The following ZFPM1 variants were observed in gnomAD, a reference collection of about 807,000 sequenced individuals.
The protein encoded by ZFPM1 is zinc finger protein, FOG family member 1, also known as zinc finger protein ZFPM1.
Under a neutral mutation model 46.3 loss-of-function variants are expected in ZFPM1, and 28 were observed. That is an observed-to-expected ratio of 0.60 (90% CI 0.45 to 0.83). ZFPM1 has a LOEUF of 0.83. Ranked by LOEUF, ZFPM1 falls within the 40% of genes least tolerant of loss-of-function variation. ZFPM1 has a pLI of 0.00. For synonymous variants in ZFPM1, 957 were observed against 675.9 expected (o/e 1.42, Z -6.45); for missense variants, 1,878 against 1,432.4 (o/e 1.31, Z -5.02).
chr16:88,474,235 T>G (rs1201539143), intron 1 of ZFPM1, among the ~76,000 whole-genome samples: 3 of 152,158 alleles, frequency 2.0e-5, no homozygotes, highest in African/African-American at 7.2e-5. Flanking sequence ...CCCGGGCCAC[T>G]GCCCCTGGGG....
At chr16:88,520,023 GGAT>G (rs1816584868) in intron 4 of ZFPM1, among the ~76,000 whole-genome samples, 1 of 150,472 alleles carries the variant, frequency 6.6e-6, no homozygotes, top group South Asian at 2.1e-4. Context: ...ATAAGTGGAT[GGAT>G]GGGAGGATAA....
At chr16:88,485,062 C>A (rs559019661) in intron 1 of ZFPM1, among the ~76,000 whole-genome samples, 1 of 152,310 alleles carries the variant, frequency 6.6e-6, no homozygotes, top group South Asian at 2.1e-4. Flanking sequence ...GAGGGTGTCA[C>A]CCCAGGGAGT....
rs996921925 is a variant in ZFPM1 at position 88,497,777 on chromosome 16, G to C, written c.268+8624G>C. 6.6e-6 allele frequency among the ~76,000 whole-genome samples: 1 copy of C among 152,142 alleles called. No individual in the cohort carries two copies. The highest frequency in any genetic ancestry group is 2.4e-5 in the African/African-American group (1 of 41,424). ...TCCCCCGCCCCAGGGTCCCGACAGG[G>C]CCCGCCCGAGGCTGGGAATCCTCAC... On this transcript the variant is annotated intron_variant, in intron 3 of 9. Transcript: ENST00000319555. The surrounding 1 kb of genome is among the most constrained non-coding windows in gnomAD (Gnocchi z 5.4).
chr16:88,482,266 C>G (rs1288733588), intron 1 of ZFPM1, among the ~76,000 whole-genome samples: 1 of 151,934 alleles, frequency 6.6e-6, no homozygotes, highest in Admixed American at 6.6e-5. Flanking sequence ...TCCCCACGGA[C>G]CCCAGGTGGG....
chr16:88,475,928 A>C (rs1021757718), intron 1 of ZFPM1, among the ~76,000 whole-genome samples: 3 of 152,184 alleles, frequency 2.0e-5, no homozygotes, highest in African/African-American at 7.2e-5. Context: ...GGCCCAGGGC[A>C]GTTAAGCCCA....
chr16:88,461,015 TGGGGCGGGAGGCCTGGTGAG>T lies in ZFPM1; in HGVS notation c.40+7339_40+7358del, dbSNP rs1907820598. Among the ~76,000 whole-genome samples, 9 of 8,198 alleles carry T rather than the reference TGGGGCGGGAGGCCTGGTGAG, an allele frequency of 1.1e-3. No individual in the cohort carries two copies. The East Asian group carries it at 0.022, about 20-fold the overall frequency. 5.4% of individuals were successfully genotyped at this position (8,198 alleles called of 152,430 possible). On this transcript the variant is annotated intron_variant, in intron 1 of 9. Coordinates refer to ENST00000319555, the MANE Select transcript of ZFPM1 (RefSeq NM_153813.3). The stretch of plus-strand genomic sequence containing the variant: ...GGGAGGCCTGGTGAGGACCGAGGGG[TGGGGCGGGAGGCCTGGTGAG>T]GACCGAGGGGCGGGAGGCCCTGGTG...
intron 1 of ZFPM1, among the ~76,000 whole-genome samples, chr16:88,483,116 G>C (rs1021513104): frequency 6.6e-6 from 1 of 152,132 alleles, no homozygotes; most frequent in Non-Finnish European, 1.5e-5. Context: ...GCTGGCTCCT[G>C]TGTGGTCTGA....
intron 4 of ZFPM1, among the ~76,000 whole-genome samples, chr16:88,518,350 T>C (rs1452005827): frequency 6.8e-6 from 1 of 148,000 alleles, no homozygotes; most frequent in African/African-American, 2.5e-5. Flanking sequence ...GGTGGGTGGA[T>C]AGATGGATGG....
At chr16:88,524,160 A>AT (rs1199841569) in intron 4 of ZFPM1, among the ~76,000 whole-genome samples, 10 of 152,218 alleles carry the variant, frequency 6.6e-5, no homozygotes, top group African/African-American at 1.2e-4. Flanking sequence ...AAGCAGATTA[A>AT]TTTTTTTCAC....
rs2142457552 is a variant in ZFPM1 at position 88,535,968 on chromosome 16, T to C, written c.*989T>C. The C allele has an allele frequency of 6.6e-6, 1 of 152,308 alleles. No homozygotes were observed. Among genetic ancestry groups the C allele is most frequent in the East Asian group, 1.9e-4 (1 of 5,188 alleles). 9.4% of individuals were successfully genotyped at this position (152,308 alleles called of 1,614,324 possible). ...CTCTTCTATTCCCAACGTCACTTTA[T>C]TTTTTTATTTTTGGGTCTCACTCTC... On this transcript the variant is annotated 3_prime_UTR_variant, in exon 10 of 10. Transcript: ENST00000319555.
chr16:88,527,844 G>A (rs1912465870), intron 5 of ZFPM1, among the ~76,000 whole-genome samples, 188 bp from the exon 6 acceptor site: 1 of 151,126 alleles, frequency 6.6e-6, no homozygotes, highest in Non-Finnish European at 1.5e-5. Flanking sequence ...CCTGGAGGCA[G>A]GCAGGCTGTG....
At chr16:88,491,373 G>A (rs1909564522) in intron 3 of ZFPM1, among the ~76,000 whole-genome samples, 1 of 152,204 alleles carries the variant, frequency 6.6e-6, no homozygotes, top group Non-Finnish European at 1.5e-5. Flanking sequence ...TTGGCCACTG[G>A]GCAAACAGGG....
At chr16:88,514,632 T>C in intron 4 of ZFPM1, 112 bp downstream of exon 4, 3 of 1,341,224 alleles carry the variant, frequency 2.2e-6, no homozygotes, top group Non-Finnish European at 3.0e-6. Flanking sequence ...CACTTGAAGA[T>C]GTGGGCCTGA....
chr16:88,453,826 C>A, intron 1 of ZFPM1, 148 bp downstream of exon 1: 1 of 433,824 alleles, frequency 2.3e-6, no homozygotes, highest in Non-Finnish European at 3.1e-6. Flanking sequence ...GCCAAGCGCG[C>A]CGTAATCTAA....
intron 1 of ZFPM1, among the ~76,000 whole-genome samples, chr16:88,472,297 C>T (rs1908462349): frequency 1.3e-5 from 2 of 152,020 alleles, no homozygotes; most frequent in South Asian, 4.2e-4. Flanking sequence ...CACCAGAGCG[C>T]CTGCTGCCAC....
chr16:88,492,159 C>T (rs960516908), intron 3 of ZFPM1, among the ~76,000 whole-genome samples: 1 of 151,958 alleles, frequency 6.6e-6, no homozygotes, highest in African/African-American at 2.4e-5. Context: ...CGTTCTCCTT[C>T]TCTCTTCCTC....
At chr16:88,505,584 C>T (rs778776416) in intron 3 of ZFPM1, among the ~76,000 whole-genome samples, 5 of 152,170 alleles carry the variant, frequency 3.3e-5, no homozygotes, top group African/African-American at 4.8e-5. Flanking sequence ...CTCCGCACGA[C>T]GGCTTCCTGG....
rs866848928 is a variant in ZFPM1 at position 88,534,409 on chromosome 16, C to A, written c.2451C>A (p.His817Gln). 6.7e-7 allele frequency: 1 copy of A among 1,485,960 alleles called. No individual in the cohort carries two copies. The highest frequency in any genetic ancestry group is 2.2e-5 in the Admixed American group (1 of 45,440). 92.0% of individuals were successfully genotyped at this position (1,485,960 alleles called of 1,614,324 possible). Residue 817 changes from histidine (H) to glutamine (Q), a missense_variant, in exon 10 of 10, where the codon CAC (histidine) becomes CAA (glutamine). By Grantham distance (24) the His-to-Gln change is conservative (BLOSUM62 0). Coordinates refer to ENST00000319555, the MANE Select transcript of ZFPM1 (RefSeq NM_153813.3). ...CGGCACCGGCGCTGGCCGACTACCACGAGTGCACGGCCTGCCGCGTGAGCT... is the reference window on the plus strand; with the variant it reads ...CGGCACCGGCGCTGGCCGACTACCAAGAGTGCACGGCCTGCCGCGTGAGCT... ...GAPAPALADY[H>Q]ECTACRVSFH...
intron 1 of ZFPM1, among the ~76,000 whole-genome samples, chr16:88,472,369 T>TA (rs1457641516): frequency 2.0e-5 from 3 of 150,384 alleles, no homozygotes; most frequent in African/African-American, 7.3e-5. Context: ...TTTTTTTTTT[T>TA]TTTGAGACTG....
Sources: gnomAD v4.1 joint callset for allele counts (sites outside exome capture counted in the v4.1 genomes callset) on GRCh38, gnomAD v4.1.1 for gene constraint, Gnocchi (gnomAD v3.1) non-coding constraint, MANE v1.5 for transcripts, NCBI Gene and HGNC (gene_info 2026-07-23, HGNC 2026-07-21) for gene names.